The following CSMD3 variants were observed in gnomAD, a reference collection of about 807,000 sequenced individuals.
CSMD3 encodes CUB and sushi domain-containing protein 3.
In CSMD3, 177 loss-of-function variants were observed where a neutral mutation model predicts 435.2. The ratio of observed to expected loss-of-function variants is 0.41; its 90% confidence interval spans 0.36 to 0.46. The LOEUF (loss-of-function observed/expected upper bound fraction) is 0.46. Ranked by LOEUF, CSMD3 falls within the 20% of genes least tolerant of loss-of-function variation. The probability of loss-of-function intolerance (pLI) is 0.34; values close to 1 mark genes in which losing one functional copy is unlikely to be tolerated. For synonymous variants in CSMD3, 1,656 were observed against 1,520.5 expected, an observed-to-expected ratio of 1.09 and a Z score of -2.07; for missense variants, 4,265 against 4,504.6, an observed-to-expected ratio of 0.95 and a Z score of 1.52.
At chr8:112,951,671 GA>G (rs1285206394) in intron 8 of CSMD3, among the ~76,000 whole-genome samples, 1 of 151,722 alleles carries the variant, frequency 6.6e-6, no homozygotes, top group Non-Finnish European at 1.5e-5. Context: ...CTTAAGGGTT[GA>G]AAATATATTT....
intron 3 of CSMD3, among the ~76,000 whole-genome samples, chr8:113,257,125 C>T (rs369654787): frequency 2.9e-4 from 44 of 152,078 alleles, no homozygotes; most frequent in African/African-American, 1.0e-3. Context: ...AAAAACAAAA[C>T]GGGCCGGGCG....
Position 112,550,636 on chromosome 8 carries a change from A to G in CSMD3, c.4564+35T>C, listed in dbSNP as rs558366759. The G allele has an allele frequency of 1.7e-4, 196 of 1,157,074 alleles. No homozygotes were observed. In the South Asian group the frequency reaches 2.3e-3, roughly 14 times the overall value. 71.7% of individuals were successfully genotyped at this position (1,157,074 alleles called of 1,614,324 possible). ...ACATGACTATTTACATCACCTTCCTATTTTGCATTGAAGAAATTTTTTGAA... is the reference window on the plus strand; with the variant it reads ...ACATGACTATTTACATCACCTTCCTGTTTTGCATTGAAGAAATTTTTTGAA... On this transcript the variant is annotated intron_variant, in intron 27 of 70. Coordinates refer to ENST00000297405, the MANE Select transcript of CSMD3 (RefSeq NM_198123.2).
chr8:112,844,204 A>C (rs2080256054), intron 11 of CSMD3, among the ~76,000 whole-genome samples: 1 of 151,986 alleles, frequency 6.6e-6, no homozygotes, highest in South Asian at 2.1e-4. Context: ...TTAATTCAAA[A>C]AAATCAGTAA....
chr8:113,335,771 G>A (rs999516070), intron 1 of CSMD3, among the ~76,000 whole-genome samples: 4 of 151,682 alleles, frequency 2.6e-5, no homozygotes, highest in Non-Finnish European at 4.4e-5. Context: ...ATTACATCCT[G>A]TTGGTCAACC....
chr8:112,327,209 A>T (rs1563794291), intron 45 of CSMD3, among the ~76,000 whole-genome samples: 1 of 152,160 alleles, frequency 6.6e-6, no homozygotes, highest in Non-Finnish European at 1.5e-5. Flanking sequence ...AATACTAATT[A>T]ATAACAAATC....
At chr8:112,652,164 A>C (rs546102081) in intron 18 of CSMD3, among the ~76,000 whole-genome samples, 1 of 152,182 alleles carries the variant, frequency 6.6e-6, no homozygotes, top group Non-Finnish European at 1.5e-5. Context: ...ATTAGACTTT[A>C]CTATTCTAAA....
At chr8:112,371,345 C>T (rs1218347723) in intron 38 of CSMD3, among the ~76,000 whole-genome samples, 1 of 152,160 alleles carries the variant, frequency 6.6e-6, no homozygotes, top group Non-Finnish European at 1.5e-5. Flanking sequence ...AGTTCCTCAG[C>T]CCTTGGCAAT....
At chr8:112,780,327 C>T (rs185588290) in intron 13 of CSMD3, among the ~76,000 whole-genome samples, 2 of 152,118 alleles carry the variant, frequency 1.3e-5, no homozygotes, top group East Asian at 3.9e-4. Context: ...TTTTGAGTCT[C>T]AATTTCCTTA....
At chr8:113,098,489 A>G in intron 5 of CSMD3, 2 of 435,730 alleles carry the variant, frequency 4.6e-6, no homozygotes, top group Non-Finnish European at 8.3e-6. Context: ...GAAACCATCA[A>G]GTTTGGACTG....
At chr8:112,317,232 T>A (rs1822557693) in intron 47 of CSMD3, among the ~76,000 whole-genome samples, 1 of 151,974 alleles carries the variant, frequency 6.6e-6, no homozygotes, top group African/African-American at 2.4e-5. Context: ...AAATTCTGAT[T>A]TGGGGAATAA....
intron 24 of CSMD3, among the ~76,000 whole-genome samples, chr8:112,559,916 G>A (rs1455536487): frequency 7.0e-4 from 106 of 151,608 alleles, no homozygotes; most frequent in Non-Finnish European, 1.5e-5. Flanking sequence ...TATGAATAAG[G>A]AAAATCACTT....
At chr8:112,379,195 C>T (rs966023234) in intron 38 of CSMD3, among the ~76,000 whole-genome samples, 6 of 152,110 alleles carry the variant, frequency 3.9e-5, no homozygotes, top group Admixed American at 1.3e-4. Flanking sequence ...GTAGGCGGGA[C>T]GTGGTGGCTC....
intron 1 of CSMD3, among the ~76,000 whole-genome samples, chr8:113,316,087 A>G (rs1374631023): frequency 1.3e-5 from 2 of 152,152 alleles, no homozygotes; most frequent in Non-Finnish European, 2.9e-5. Flanking sequence ...CAACCGTAAG[A>G]GAAGATGGTC....
chr8:113,144,010 T>C (rs2091612804), intron 4 of CSMD3, among the ~76,000 whole-genome samples: 1 of 151,288 alleles, frequency 6.6e-6, no homozygotes, highest in South Asian at 2.1e-4. Context: ...CACAATTATC[T>C]CAAAACAAAA....
chr8:112,303,215 G>A (rs1821100115), intron 52 of CSMD3, among the ~76,000 whole-genome samples: 1 of 152,082 alleles, frequency 6.6e-6, no homozygotes, highest in Non-Finnish European at 1.5e-5. Flanking sequence ...GGAGTCTGCA[G>A]TCAGAGAAAA....
chr8:112,907,323 G>C (rs193041715), intron 10 of CSMD3, among the ~76,000 whole-genome samples: 1 of 151,348 alleles, frequency 6.6e-6, no homozygotes, highest in African/African-American at 2.4e-5. Flanking sequence ...CATCATATTC[G>C]TAGTTTGTAT....
chr8:112,589,076 T>A (rs1409508486), intron 22 of CSMD3, among the ~76,000 whole-genome samples: 1 of 152,128 alleles, frequency 6.6e-6, no homozygotes, highest in Non-Finnish European at 1.5e-5. Context: ...ATACAAATGG[T>A]TTTAGTTCTT....
At chr8:112,645,758 GCTAA>G (rs1563806652) in intron 19 of CSMD3, among the ~76,000 whole-genome samples, 1 of 152,018 alleles carries the variant, frequency 6.6e-6, no homozygotes, top group Admixed American at 6.6e-5. Flanking sequence ...GTAAAAATAA[GCTAA>G]CTATCTGAGG....
At chr8:112,336,863 T>A (rs1563807023) in intron 43 of CSMD3, 34 bp from the exon 44 acceptor site, 2 of 1,553,506 alleles carry the variant, frequency 1.3e-6, no homozygotes, top group Non-Finnish European at 1.8e-6. Context: ...AATAATATTT[T>A]AAAATAACAA....
Sources: allele counts gnomAD v4.1 joint callset (sites outside exome capture counted in the v4.1 genomes callset), GRCh38; gene constraint gnomAD v4.1.1; transcripts MANE v1.5; gene names NCBI Gene and HGNC (gene_info 2026-07-23, HGNC 2026-07-21).